Variants in CENPP observed in about 807,000 individuals in gnomAD.
CENPP encodes the protein centromere protein P.
A neutral mutation model predicts 35.6 loss-of-function variants in CENPP; 24 were observed. The ratio of observed to expected loss-of-function variants is 0.67; its 90% confidence interval spans 0.49 to 0.95. The LOEUF (loss-of-function observed/expected upper bound fraction) is 0.95. CENPP is among the 40% of genes least tolerant of loss of function. The probability of loss-of-function intolerance (pLI) is 0.00; values close to 1 mark genes in which losing one functional copy is unlikely to be tolerated. For missense variants in CENPP, 332 were observed against 345.3 expected (o/e 0.96, Z 0.31); for synonymous variants, 120 against 125.5 (o/e 0.96, Z 0.29).
intron 4 of CENPP, among the ~76,000 whole-genome samples, chr9:92,371,404 T>G (rs1384293395): frequency 6.6e-6 from 1 of 152,218 alleles, no homozygotes; most frequent in African/African-American, 2.4e-5. Context: ...TTAATTTCCA[T>G]GTATGTGTAT....
chr9:92,378,645 A>G (rs1382589754), intron 4 of CENPP, among the ~76,000 whole-genome samples: 2 of 151,910 alleles, frequency 1.3e-5, no homozygotes, highest in South Asian at 4.2e-4. Flanking sequence ...CAGGAACTCA[A>G]CTCCCGCAAT....
In CENPP at chr9:92,619,670, GA is replaced by G. The variant is rs1851562167; in HGVS notation, c.*6523del. On this transcript the variant is annotated 3_prime_UTR_variant, in exon 8 of 8. Transcript: ENST00000375587. ...AGTGTGGGAACTGCTTCCTGCCTCA[GA>G]ACCTGAGGGTGGGATTAGGAGCGAG... is the stretch of plus-strand genomic sequence containing the variant. 1.9e-6 allele frequency: 2 copies of G among 1,035,544 alleles called. No individual in the cohort carries two copies. Among genetic ancestry groups the G allele is most frequent in the Non-Finnish European group, 1.5e-6 (1 of 688,736 alleles). The allele number at this position is 1,035,544 out of a possible 1,614,324, so 64.1% of individuals were successfully genotyped here. A position where few individuals can be genotyped will look rare whatever the true frequency, so the allele number is the denominator to read the frequency against.
At chr9:92,584,754 C>T (rs1850503842) in intron 5 of CENPP, among the ~76,000 whole-genome samples, 1 of 152,172 alleles carries the variant, frequency 6.6e-6, no homozygotes, top group Non-Finnish European at 1.5e-5. Context: ...ATTAAAACAT[C>T]TATATAAAAA....
chr9:92,352,546 C>T (rs1280825647), intron 4 of CENPP, among the ~76,000 whole-genome samples: 15 of 61,766 alleles, frequency 2.4e-4, no homozygotes, highest in African/African-American at 8.5e-4. Context: ...TATAATATAA[C>T]GGGGAGTTTA....
At chr9:92,502,758 A>G (rs1846762424) in intron 5 of CENPP, 1 of 1,007,200 alleles carries the variant, frequency 9.9e-7, no homozygotes, top group Non-Finnish European at 1.4e-6. Flanking sequence ...AGTATTATCT[A>G]AAGAGTCTTA....
rs1305770539 is a variant in CENPP at position 92,617,861 on chromosome 9, C to G, written c.*4712C>G. 4.7e-6 allele frequency: 1 copy of G among 211,074 alleles called. No individual in the cohort carries two copies. Among genetic ancestry groups the G allele is most frequent in the African/African-American group, 2.3e-5 (1 of 43,014 alleles). The allele number at this position is 211,074 out of a possible 1,614,324, so 13.1% of individuals were successfully genotyped here. ...CTCTGCAGCGACAGGAAGGCAGATC[C>G]AACTTGAGACATTTTCCTTTATGAC... On this transcript the variant is annotated 3_prime_UTR_variant, in exon 8 of 8. Coordinates refer to ENST00000375587, the MANE Select transcript of CENPP (RefSeq NM_001012267.3).
intron 5 of CENPP, chr9:92,470,523 G>T: frequency 4.0e-6 from 2 of 496,330 alleles, no homozygotes; most frequent in Non-Finnish European, 3.5e-6. Context: ...ATTTTTAATT[G>T]ACTAGAACGC....
At chr9:92,556,528 AAT>A (rs1406363575) in intron 5 of CENPP, among the ~76,000 whole-genome samples, 4 of 152,148 alleles carry the variant, frequency 2.6e-5, no homozygotes, top group Non-Finnish European at 5.9e-5. Flanking sequence ...GTTAGGTGCA[AAT>A]ATGTTTAGAA....
chr9:92,342,231 C>G (rs1258981835), intron 3 of CENPP, among the ~76,000 whole-genome samples: 1 of 152,162 alleles, frequency 6.6e-6, no homozygotes, highest in African/African-American at 2.4e-5. Flanking sequence ...CAAGTTCATG[C>G]AAAGGATGCT....
intron 4 of CENPP, among the ~76,000 whole-genome samples, chr9:92,364,298 G>T (rs1841833680): frequency 6.6e-6 from 1 of 152,058 alleles, no homozygotes; most frequent in African/African-American, 2.4e-5. Flanking sequence ...CTCCCAAAGT[G>T]CTGGGATTAC....
chr9:92,509,076 TGTCTAGCACAGTCCCGAAACAAGCA>T (rs1011105821), intron 5 of CENPP, among the ~76,000 whole-genome samples: 20 of 151,756 alleles, frequency 1.3e-4, no homozygotes, highest in African/African-American at 4.8e-4. Context: ...CAACTTCAGC[TGTCTAGCACAGTCCCGAAACAAGCA>T]GAAGAGGGGC....
chr9:92,389,082 A>C (rs1162023310), intron 5 of CENPP, among the ~76,000 whole-genome samples: 1 of 152,134 alleles, frequency 6.6e-6, no homozygotes, highest in Admixed American at 6.5e-5. Context: ...GATAATGAAT[A>C]TTTGATAGTT....
In CENPP at chr9:92,619,286, A is replaced by C. The variant is rs963399109; in HGVS notation, c.*6137A>C. 7.1e-6 allele frequency: 4 copies of C among 565,540 alleles called. No individual in the cohort carries two copies. In the Admixed American group the frequency reaches 1.2e-4, roughly 17 times the overall value. The allele number at this position is 565,540 out of a possible 1,614,324, so 35.0% of individuals were successfully genotyped here. On this transcript the variant is annotated 3_prime_UTR_variant, in exon 8 of 8. Coordinates refer to ENST00000375587, the MANE Select transcript of CENPP (RefSeq NM_001012267.3). Reference sequence around the variant, plus strand: ...CAATCCTTTTAAGTTATTCTCCATAAATCTGTCTTTTGACTGAATTACAAG... The same window carrying C: ...CAATCCTTTTAAGTTATTCTCCATACATCTGTCTTTTGACTGAATTACAAG...
In CENPP at chr9:92,514,624, C is replaced by A. The variant is rs763748198; in HGVS notation, c.565-96690C>A. The A allele has an allele frequency of 3.2e-6, 5 of 1,561,222 alleles. No homozygotes were observed. The Admixed American group carries it at 9.5e-5, about 30-fold the overall frequency. ...CACAAAATAAAGCAGAAGTCAACAT[C>A]TCTTACCAGTGAGCTCCAGACTTGT... On this transcript the variant is annotated intron_variant, in intron 5 of 7. Transcript: ENST00000375587.
chr9:92,426,739 G>A (rs1213225585), intron 5 of CENPP, among the ~76,000 whole-genome samples: 1 of 152,076 alleles, frequency 6.6e-6, no homozygotes, highest in Non-Finnish European at 1.5e-5. Flanking sequence ...GAGGTGAGGT[G>A]GTGACAGTGA....
chr9:92,503,782 G>A (rs974300569), intron 5 of CENPP, among the ~76,000 whole-genome samples: 17 of 152,274 alleles, frequency 1.1e-4, no homozygotes, highest in African/African-American at 4.1e-4. Flanking sequence ...GCTTTTACCT[G>A]CATATGTATT....
chr9:92,429,613 C>A (rs895403819), intron 5 of CENPP, among the ~76,000 whole-genome samples: 1 of 152,052 alleles, frequency 6.6e-6, no homozygotes, highest in African/African-American at 2.4e-5. Flanking sequence ...ATGATGAAAC[C>A]TTGTCTGTAC....
At chr9:92,367,498 G>A (rs533803097) in intron 4 of CENPP, among the ~76,000 whole-genome samples, 25 of 152,146 alleles carry the variant, frequency 1.6e-4, no homozygotes, top group Non-Finnish European at 3.2e-4. Flanking sequence ...TGGTTCTACA[G>A]GAGCCATCCA....
intron 5 of CENPP, chr9:92,482,460 G>C (rs1845944520): frequency 6.6e-6 from 1 of 152,164 alleles, no homozygotes; most frequent in African/African-American, 2.4e-5. Context: ...TGCACCCTGG[G>C]TGATACTGGA....
Sources: allele counts gnomAD v4.1 joint callset (sites outside exome capture counted in the v4.1 genomes callset), GRCh38; gene constraint gnomAD v4.1.1; transcripts MANE v1.5; gene names NCBI Gene and HGNC (gene_info 2026-07-23, HGNC 2026-07-21).